The following LARS2 variants were observed in gnomAD, a reference collection of about 807,000 sequenced individuals.
LARS2 encodes leucine--tRNA ligase, mitochondrial.
Under a neutral mutation model 116.6 loss-of-function variants are expected in LARS2, and 81 were observed. The observed-to-expected ratio is 0.69, with a 90% CI of 0.58 to 0.84. The LOEUF (loss-of-function observed/expected upper bound fraction) is 0.84. Among genes scored for constraint, LARS2 ranks in the 40% least tolerant of loss-of-function variants. The probability of loss-of-function intolerance (pLI) is 0.00; values close to 1 mark genes in which losing one functional copy is unlikely to be tolerated. For missense variants in LARS2, 968 were observed against 1,114.5 expected (o/e 0.87, Z 1.87); for synonymous variants, 396 against 407.2 (o/e 0.97, Z 0.33).
chr3:45,520,325 G>A (rs1255621982), intron 19 of LARS2, 29 bp downstream of exon 19: 4 of 1,569,224 alleles, frequency 2.5e-6, no homozygotes, highest in Non-Finnish European at 3.5e-6. Context: ...TTTGCTGGTA[G>A]CAGAGGAGGG....
chr3:45,496,479 G>C (rs1486094191), intron 14 of LARS2, 106 bp downstream of exon 14: 3 of 870,504 alleles, frequency 3.4e-6, no homozygotes, highest in Non-Finnish European at 5.7e-6. Flanking sequence ...GGGGGGAAAT[G>C]CCTGTGCAGA....
At chr3:45,517,777 G>A in intron 17 of LARS2, 126 bp from the exon 18 acceptor site, 2 of 696,246 alleles carry the variant, frequency 2.9e-6, no homozygotes, top group Non-Finnish European at 4.8e-6. Context: ...TGCCCTCAGA[G>A]GAATCCATCA....
chr3:45,482,154 T>A (rs972453675), intron 10 of LARS2, among the ~76,000 whole-genome samples: 2 of 152,236 alleles, frequency 1.3e-5, no homozygotes, highest in Non-Finnish European at 2.9e-5. Flanking sequence ...TAATATGCTA[T>A]CAGAAAACAT....
chr3:45,506,432 CA>C (rs1409449714), intron 15 of LARS2, among the ~76,000 whole-genome samples: 3 of 152,114 alleles, frequency 2.0e-5, no homozygotes, highest in Admixed American at 2.0e-4. Context: ...ACAACTTTAT[CA>C]AGCTGGGCTG....
intron 6 of LARS2, among the ~76,000 whole-genome samples, chr3:45,426,453 T>C (rs1305210944): frequency 6.6e-6 from 1 of 152,234 alleles, no homozygotes; most frequent in Non-Finnish European, 1.5e-5. Context: ...TTACTTGTTC[T>C]CCCTCAGAGT....
chr3:45,413,982 G>A (rs972382260), intron 4 of LARS2, among the ~76,000 whole-genome samples: 1 of 152,204 alleles, frequency 6.6e-6, no homozygotes, highest in Non-Finnish European at 1.5e-5. Flanking sequence ...ATGTGCAGGT[G>A]GAAGTGTGGT....
At chr3:45,435,508 A>G (rs1373969742) in intron 6 of LARS2, among the ~76,000 whole-genome samples, 1 of 152,194 alleles carries the variant, frequency 6.6e-6, no homozygotes, top group Non-Finnish European at 1.5e-5. Context: ...AAAGTTTTCT[A>G]TCTTGGCTAG....
intron 6 of LARS2, among the ~76,000 whole-genome samples, chr3:45,437,783 A>G (rs1698830853): frequency 6.6e-6 from 1 of 152,218 alleles, no homozygotes; most frequent in Non-Finnish European, 1.5e-5. Flanking sequence ...TACTCATTCA[A>G]CATTTATTAA....
intron 15 of LARS2, among the ~76,000 whole-genome samples, chr3:45,501,824 C>T (rs988973783): frequency 1.3e-5 from 2 of 149,722 alleles, no homozygotes; most frequent in African/African-American, 2.4e-5. Context: ...CACTCTACGT[C>T]GTCATCAACA....
intron 3 of LARS2, among the ~76,000 whole-genome samples, chr3:45,397,226 A>G (rs898788982): frequency 6.6e-6 from 1 of 152,176 alleles, no homozygotes; most frequent in Non-Finnish European, 1.5e-5. Context: ...TTCTTGCTCA[A>G]TTATAACAGA....
At chr3:45,539,666 A>C (rs1700761915) in intron 20 of LARS2, among the ~76,000 whole-genome samples, 2 of 151,730 alleles carry the variant, frequency 1.3e-5, no homozygotes, top group South Asian at 4.2e-4. Flanking sequence ...CCATACTTCT[A>C]CTCCCCAGAG....
At chr3:45,406,624 C>G (rs917398508) in intron 4 of LARS2, among the ~76,000 whole-genome samples, 15 of 152,090 alleles carry the variant, frequency 9.9e-5, no homozygotes, top group Admixed American at 5.2e-4. Context: ...GGTGTCTGCC[C>G]TACCCGCATC....
In LARS2 at chr3:45,394,562, A is replaced by T; in HGVS notation, c.109A>T (p.Thr37Ser). 1 of 1,614,110 alleles carries T rather than the reference A, an allele frequency of 6.2e-7. No homozygotes were observed. Among genetic ancestry groups the T allele is most frequent in the Non-Finnish European group, 8.5e-7 (1 of 1,179,944 alleles). The change falls in exon 3 of 22, where the codon ACC becomes TCC. Residue 37 changes from threonine to serine, a missense_variant. Thr to Ser is a moderately conservative substitution (Grantham distance 58). Transcript: ENST00000645846. Reference protein sequence around the residue: ...KWERRVIPGCTRSIYSATGKW... With the variant: ...KWERRVIPGCSRSIYSATGKW... ...GGAAAGGAGAGTAATTCCCGGATGT[A>T]CCAGAAGCATCTACAGTGCCACGGG... is the stretch of plus-strand genomic sequence containing the variant.
intron 6 of LARS2, among the ~76,000 whole-genome samples, chr3:45,430,799 A>G (rs919819832): frequency 4.7e-5 from 7 of 149,806 alleles, no homozygotes; most frequent in Admixed American, 1.3e-4. Flanking sequence ...GTTAGCCAGG[A>G]TGGTCTCGAT....
intron 19 of LARS2, among the ~76,000 whole-genome samples, chr3:45,522,765 A>G (rs1700473549): frequency 6.6e-6 from 1 of 152,152 alleles, no homozygotes; most frequent in South Asian, 2.1e-4. Flanking sequence ...AAAAGTGTTC[A>G]TATGAGCTGG....
chr3:45,458,919 C>T (rs762042656), intron 8 of LARS2, 33 bp downstream of exon 8: 5 of 1,610,422 alleles, frequency 3.1e-6, no homozygotes, highest in African/African-American at 1.3e-5. Context: ...CCCACTAATG[C>T]CTTACATGCT....
At chr3:45,498,286 C>A (rs771400033) in intron 14 of LARS2, among the ~76,000 whole-genome samples, 9 of 152,174 alleles carry the variant, frequency 5.9e-5, no homozygotes, top group Non-Finnish European at 8.8e-5. Flanking sequence ...TAGCTTCAGC[C>A]CCAGCACGAG....
chr3:45,539,023 G>A (rs981038511), intron 20 of LARS2, among the ~76,000 whole-genome samples: 2 of 152,144 alleles, frequency 1.3e-5, no homozygotes, highest in Non-Finnish European at 2.9e-5. Flanking sequence ...GAAGTGAACA[G>A]TTTTTGAAAC....
At chr3:45,500,297 C>T (rs931335507) in intron 14 of LARS2, 145 bp from the exon 15 acceptor site, 12 of 844,834 alleles carry the variant, frequency 1.4e-5, no homozygotes, top group African/African-American at 1.8e-5. Context: ...CCACCGCGCC[C>T]GGCCTTCTCT....
Sources: gnomAD v4.1 joint callset for allele counts (sites outside exome capture counted in the v4.1 genomes callset) on GRCh38, gnomAD v4.1.1 for gene constraint, MANE v1.5 for transcripts, NCBI Gene and HGNC (gene_info 2026-07-23, HGNC 2026-07-21) for gene names.